The following ANK3 variants were observed in gnomAD, a reference collection of about 807,000 sequenced individuals.
ANK3 encodes ankyrin-3.
Under a neutral mutation model 370.9 loss-of-function variants are expected in ANK3, and 57 were observed. The observed-to-expected ratio is 0.15, with a 90% CI of 0.12 to 0.19. ANK3 has a LOEUF of 0.19. Among genes scored for constraint, ANK3 ranks in the 10% least tolerant of loss-of-function variants. The probability of loss-of-function intolerance (pLI) is 1.00; values close to 1 mark genes in which losing one functional copy is unlikely to be tolerated. For missense variants in ANK3, 4,439 were observed against 5,302.1 expected (o/e 0.84, Z 5.06); for synonymous variants, 1,929 against 1,946.3 (o/e 0.99, Z 0.23).
intron 2 of ANK3, among the ~76,000 whole-genome samples, chr10:60,424,998 G>T (rs1240114472): frequency 1.3e-5 from 2 of 152,024 alleles, no homozygotes; most frequent in Admixed American, 6.6e-5. Flanking sequence ...GGGCAGAAAT[G>T]CACAGAAAGG....
At chr10:60,279,668 G>A in intron 1 of ANK3, 29 bp from the exon 2 acceptor site, 1 of 1,556,096 alleles carries the variant, frequency 6.4e-7, no homozygotes, top group South Asian at 1.1e-5. Flanking sequence ...ACATTTTGAT[G>A]AAAAATGAAG....
rs557203367 is a variant in ANK3, at chr10:60,270,748, TTTCAAATAGC to T, written c.415-529_415-520del. Among the ~76,000 whole-genome samples, 408 of 152,290 alleles carry T rather than the reference TTTCAAATAGC, an allele frequency of 2.7e-3. 3 individuals are homozygous for T. The highest frequency in any genetic ancestry group is 8.0e-3 in the African/African-American group (331 of 41,556). On this transcript the variant is annotated intron_variant, in intron 4 of 43. Coordinates refer to ENST00000280772, the MANE Select transcript of ANK3 (RefSeq NM_020987.5). ...ATTAATCTCAAATAGCTTCAAAGCT[TTTCAAATAGC>T]TTCAAATAGCTTCAAAGTTACCACA... is the stretch of plus-strand genomic sequence containing the variant.
intron 1 of ANK3, among the ~76,000 whole-genome samples, chr10:60,681,340 G>A (rs2079192638): frequency 1.3e-5 from 2 of 152,120 alleles, no homozygotes; most frequent in Admixed American, 1.3e-4. Flanking sequence ...GACTAGCAAG[G>A]CATTTCCTGA....
At chr10:60,421,211 T>C (rs2063771535) in intron 2 of ANK3, among the ~76,000 whole-genome samples, 1 of 151,634 alleles carries the variant, frequency 6.6e-6, no homozygotes, top group African/African-American at 2.4e-5. Flanking sequence ...AATAATAGAG[T>C]TTATGTTTGG....
chr10:60,181,291 A>G (rs1475530448), intron 18 of ANK3, 38 bp downstream of exon 18: 1 of 1,560,660 alleles, frequency 6.4e-7, no homozygotes, highest in Admixed American at 1.7e-5. Context: ...CACCAAATGG[A>G]CACATTCTTT....
chr10:60,345,437 T>C (rs1352309782), intron 1 of ANK3, among the ~76,000 whole-genome samples: 1 of 152,160 alleles, frequency 6.6e-6, no homozygotes, highest in African/African-American at 2.4e-5. Context: ...TAAAGAGTAC[T>C]GAAAGGGTAA....
chr10:60,270,936 T>C (rs7911358), intron 4 of ANK3, among the ~76,000 whole-genome samples: 150,251 of 152,290 alleles, frequency 0.99, 74,145 homozygotes, highest in Middle Eastern at 1. Flanking sequence ...ACATATTACA[T>C]GTACATACAT....
At position 60,310,545 on chromosome 10, in the gene ANK3, A is replaced by C. The variant is rs185277153; in HGVS notation, c.115-30906T>G. ...AGAAAAAAGAGTGAATAATAGTTTAATGCAAGGAACTAAAAATGCATGTAT... is the reference window on the plus strand; with the variant it reads ...AGAAAAAAGAGTGAATAATAGTTTACTGCAAGGAACTAAAAATGCATGTAT... On this transcript the variant is annotated intron_variant, in intron 1 of 43. Transcript: ENST00000280772. Among the ~76,000 whole-genome samples, 82 of 152,344 alleles carry C rather than the reference A, an allele frequency of 5.4e-4. 2 individuals carry two copies. The highest frequency in any genetic ancestry group is 4.8e-3 in the East Asian group (25 of 5,180).
chr10:60,441,746 C>T (rs1471415657), intron 2 of ANK3, among the ~76,000 whole-genome samples: 1 of 152,188 alleles, frequency 6.6e-6, no homozygotes, highest in Non-Finnish European at 1.5e-5. Flanking sequence ...ACATAAATTT[C>T]AGCGAAGCAC....
chr10:60,406,559 G>T (rs1228717290), intron 2 of ANK3, among the ~76,000 whole-genome samples: 1 of 152,170 alleles, frequency 6.6e-6, no homozygotes, highest in Non-Finnish European at 1.5e-5. Context: ...GATCTGACAG[G>T]AGGTGAAGCA....
chr10:60,279,973 C>T (rs1057368998), intron 1 of ANK3, among the ~76,000 whole-genome samples: 4 of 152,074 alleles, frequency 2.6e-5, no homozygotes, highest in Non-Finnish European at 5.9e-5. Flanking sequence ...TATGAAGACC[C>T]CACTATTTTC....
At chr10:60,603,830 C>A (rs2078096492) in intron 2 of ANK3, among the ~76,000 whole-genome samples, 1 of 152,078 alleles carries the variant, frequency 6.6e-6, no homozygotes, top group Non-Finnish European at 1.5e-5. Flanking sequence ...ATTTTAGTGT[C>A]CCCATCTCTG....
chr10:60,729,311 A>G (rs1413833766), intron 1 of ANK3, among the ~76,000 whole-genome samples: 1 of 152,208 alleles, frequency 6.6e-6, no homozygotes, highest in African/African-American at 2.4e-5. Flanking sequence ...CTACACTTGT[A>G]GAGCATATCC....
chr10:60,416,853 T>C (rs1292728323), intron 2 of ANK3, among the ~76,000 whole-genome samples: 2 of 152,222 alleles, frequency 1.3e-5, no homozygotes, highest in East Asian at 3.8e-4. Flanking sequence ...GGGGGTCTCA[T>C]TTGTTACAAT....
chr10:60,627,445 T>C lies in ANK3; in HGVS notation c.58-12221A>G, dbSNP rs116758007. ...AAATAAAAAAAAGGCATCTGTATTC[T>C]GCTGCCAGAAACCTCTACACAGGGA... is the stretch of plus-strand genomic sequence containing the variant. On this transcript the variant is annotated intron_variant, in intron 1 of 43. Coordinates refer to the ANK3 transcript ENST00000373827. Among the ~76,000 whole-genome samples, 1,005 of 152,084 alleles carry C rather than the reference T, an allele frequency of 6.6e-3. 14 individuals are homozygous for C. The highest frequency in any genetic ancestry group is 0.022 in the African/African-American group (933 of 41,510).
rs138922137 is a variant in ANK3, at chr10:60,483,048, G to C, written c.96+132138C>G. Among the ~76,000 whole-genome samples, 404 of 152,250 alleles carry C rather than the reference G, an allele frequency of 2.7e-3. 1 individual carries two copies. Among genetic ancestry groups the C allele is most frequent in the African/African-American group, 8.9e-3 (371 of 41,548 alleles). On this transcript the variant is annotated intron_variant, in intron 2 of 43. Transcript: ENST00000373827. ...GATATGTCAGTGCTGAGTTCTGTTA[G>C]ATACATTATCTTGTTTAATCCTTGT...
At chr10:60,364,065 G>C (rs1219348815) in intron 1 of ANK3, among the ~76,000 whole-genome samples, 1 of 150,924 alleles carries the variant, frequency 6.6e-6, no homozygotes, top group Non-Finnish European at 1.5e-5. Context: ...AGGCTGAGGC[G>C]GGCAGATCAC....
chr10:60,513,787 G>A (rs1005703367), intron 2 of ANK3, among the ~76,000 whole-genome samples: 10 of 152,106 alleles, frequency 6.6e-5, no homozygotes, highest in Admixed American at 2.0e-4. Flanking sequence ...ATCTCGGGTA[G>A]TCATAAGAAA....
At chr10:60,325,762 A>G (rs1419724501) in intron 1 of ANK3, among the ~76,000 whole-genome samples, 1 of 152,226 alleles carries the variant, frequency 6.6e-6, no homozygotes, top group Non-Finnish European at 1.5e-5. Context: ...CATTTGACCC[A>G]GCAATCCCAT....
Sources: gnomAD v4.1 joint callset for allele counts (sites outside exome capture counted in the v4.1 genomes callset) on GRCh38, gnomAD v4.1.1 for gene constraint, MANE v1.5 for transcripts, NCBI Gene and HGNC (gene_info 2026-07-23, HGNC 2026-07-21) for gene names.